Variants in HRH1 observed in about 807,000 individuals in gnomAD.
HRH1 encodes the protein histamine receptor H1.
Under a neutral mutation model 10.3 loss-of-function variants are expected in HRH1, and 6 were observed. The ratio of observed to expected loss-of-function variants is 0.58; its 90% CI spans 0.32 to 1.15. HRH1 has a LOEUF of 1.15. HRH1 is among the 50% of genes most tolerant of loss of function. The pLI is 0.05. For synonymous variants in HRH1, 242 were observed against 236.7 expected, an observed-to-expected ratio of 1.02 and a Z score of -0.21; for missense variants, 514 against 615.3, an observed-to-expected ratio of 0.84 and a Z score of 1.74.
chr3:11,165,449 T>C (rs9831931), intron 1 of HRH1, among the ~76,000 whole-genome samples: 3,680 of 152,210 alleles, frequency 0.024, 137 homozygotes, highest in East Asian at 0.083. Flanking sequence ...TGCTCCCCAA[T>C]ACCCAGAGAT....
At chr3:11,208,665 A>G (rs1425218228) in intron 1 of HRH1, among the ~76,000 whole-genome samples, 8 of 152,242 alleles carry the variant, frequency 5.3e-5, no homozygotes, top group Non-Finnish European at 1.2e-4. Flanking sequence ...CCGTTTTGTC[A>G]TCTTCTTAAT....
chr3:11,181,881 T>A (rs1159679398), intron 1 of HRH1, among the ~76,000 whole-genome samples: 1 of 152,188 alleles, frequency 6.6e-6, no homozygotes, highest in East Asian at 1.9e-4. Flanking sequence ...TCCTCCCGCC[T>A]TGGCTTCCCA....
intron 1 of HRH1, among the ~76,000 whole-genome samples, chr3:11,174,122 A>G (rs1937205083): frequency 6.6e-6 from 1 of 152,236 alleles, no homozygotes. Context: ...ACAACCTCCA[A>G]GGCCCAAAAT....
At chr3:11,188,160 A>G (rs1937479904) in intron 1 of HRH1, among the ~76,000 whole-genome samples, 1 of 152,270 alleles carries the variant, frequency 6.6e-6, no homozygotes, top group South Asian at 2.1e-4. Context: ...TTGGCATTCA[A>G]TTTTTTTTAA....
chr3:11,161,679 G>A (rs931541641), intron 1 of HRH1, among the ~76,000 whole-genome samples: 1 of 152,228 alleles, frequency 6.6e-6, no homozygotes, highest in African/African-American at 2.4e-5. Context: ...CGGCTTTCCA[G>A]GCATCTTGAA....
rs1940008276 is a variant in HRH1 at position 11,263,497 on chromosome 3, G to C, written c.*2996G>C. On this transcript the variant is annotated 3_prime_UTR_variant, in exon 2 of 2. Coordinates refer to ENST00000431010, the MANE Select transcript of HRH1 (RefSeq NM_001098212.2). ...AGTCCAGGAGTTCGAGACAAGCCTG[G>C]GCACCATGGTGAAATCCTGTCTCTA... 6.2e-6 allele frequency: 1 copy of C among 162,294 alleles called. No individual in the cohort carries two copies. The allele number at this position is 162,294 out of a possible 1,614,324, so 10.1% of individuals were successfully genotyped here.
chr3:11,249,335 A>G (rs916277893), intron 1 of HRH1, among the ~76,000 whole-genome samples: 16 of 148,526 alleles, frequency 1.1e-4, no homozygotes, highest in African/African-American at 2.2e-4. Flanking sequence ...CTCGGGAGGC[A>G]GAGCTTGCAG....
chr3:11,138,379 AT>A (rs1285214322), intron 1 of HRH1, among the ~76,000 whole-genome samples: 3 of 152,120 alleles, frequency 2.0e-5, no homozygotes, highest in Non-Finnish European at 4.4e-5. Context: ...CAGCCAAAAA[AT>A]GGGTAAAGGA....
intron 1 of HRH1, among the ~76,000 whole-genome samples, chr3:11,155,841 A>AC (rs1936776504): frequency 1.3e-5 from 2 of 152,202 alleles, no homozygotes; most frequent in African/African-American, 2.4e-5. Context: ...GGGAGGGTGT[A>AC]CACATGAGAG....
chr3:11,184,197 A>G (rs1240418465), intron 1 of HRH1, among the ~76,000 whole-genome samples: 1 of 152,226 alleles, frequency 6.6e-6, no homozygotes, highest in Non-Finnish European at 1.5e-5. Context: ...GCAAATCATT[A>G]CGTAAAACTT....
intron 1 of HRH1, among the ~76,000 whole-genome samples, chr3:11,176,513 A>G (rs1321354052): frequency 6.6e-6 from 1 of 152,010 alleles, no homozygotes; most frequent in African/African-American, 2.4e-5. Context: ...CTGGGTACCA[A>G]TGGTACCCAC....
At chr3:11,174,742 C>T (rs1283876589) in intron 1 of HRH1, among the ~76,000 whole-genome samples, 2 of 152,176 alleles carry the variant, frequency 1.3e-5, no homozygotes, top group African/African-American at 4.8e-5. Flanking sequence ...GGGGGTGCCC[C>T]TCGTGTACAG....
chr3:11,181,256 C>T (rs533627585), intron 1 of HRH1, among the ~76,000 whole-genome samples: 1 of 152,160 alleles, frequency 6.6e-6, no homozygotes, highest in South Asian at 2.1e-4. Flanking sequence ...TGCACTCCAG[C>T]CTGGGTGACA....
chr3:11,240,639 T>C (rs1939307843), intron 1 of HRH1, among the ~76,000 whole-genome samples: 1 of 151,906 alleles, frequency 6.6e-6, no homozygotes, highest in Admixed American at 6.6e-5. Flanking sequence ...AGGCTGACTC[T>C]TAAGCCAGAA....
intron 1 of HRH1, among the ~76,000 whole-genome samples, chr3:11,257,672 G>A (rs1235629977): frequency 6.6e-6 from 1 of 152,092 alleles, no homozygotes; most frequent in African/African-American, 2.4e-5. Context: ...GTTTTCAGTA[G>A]AGCCTTAGTA....
chr3:11,179,889 G>A (rs1937319958), intron 1 of HRH1, among the ~76,000 whole-genome samples: 1 of 151,140 alleles, frequency 6.6e-6, no homozygotes, highest in Admixed American at 6.6e-5. Context: ...TCCCACTTCA[G>A]CCTCCTCAGT....
chr3:11,163,697 T>C (rs1238208362), intron 1 of HRH1, among the ~76,000 whole-genome samples: 1 of 151,474 alleles, frequency 6.6e-6, no homozygotes, highest in Admixed American at 6.5e-5. Flanking sequence ...GTTATTACAT[T>C]AGCATATAAG....
At position 11,252,924 on chromosome 3, in the gene HRH1, C is replaced by T. The variant is rs765624132; in HGVS notation, c.-35-6079C>T. Among the ~76,000 whole-genome samples, 19 of 151,972 alleles carry T rather than the reference C, an allele frequency of 1.3e-4. 1 individual carries two copies. Among genetic ancestry groups the T allele is most frequent in the Middle Eastern group, 6.8e-3 (2 of 294 alleles). ...TCGGGATAAATGTGTTCTTCGTCTG[C>T]GGTGGTGAGCAAGATTAGGGAGGGG... On this transcript the variant is annotated intron_variant, in intron 1 of 1. Transcript: ENST00000431010.
At chr3:11,159,523 C>A (rs150128037) in intron 1 of HRH1, among the ~76,000 whole-genome samples, 1 of 152,196 alleles carries the variant, frequency 6.6e-6, no homozygotes, top group Non-Finnish European at 1.5e-5. Context: ...TGCATGACAT[C>A]GACTTCTGCA....
Sources: allele counts gnomAD v4.1 joint callset (sites outside exome capture counted in the v4.1 genomes callset), GRCh38; gene constraint gnomAD v4.1.1; transcripts MANE v1.5; gene names NCBI Gene and HGNC (gene_info 2026-07-23, HGNC 2026-07-21).